Variants in AGMO observed in about 807,000 individuals in gnomAD.
AGMO encodes alkylglycerol monooxygenase, also known as glyceryl-ether monooxygenase.
In AGMO, 75 loss-of-function variants were observed where a neutral mutation model predicts 60.2. That is an observed-to-expected ratio of 1.25 (90% CI 1.03 to 1.51). The LOEUF is 1.51. Among genes scored for constraint, AGMO ranks in the 40% most tolerant of loss-of-function variants. AGMO has a pLI of 0.00. For synonymous variants in AGMO, 261 were observed against 177.1 expected, an observed-to-expected ratio of 1.47 and a Z score of -3.76; for missense variants, 763 against 525.5, an observed-to-expected ratio of 1.45 and a Z score of -4.42.
intron 12 of AGMO, among the ~76,000 whole-genome samples, chr7:15,338,241 A>G (rs1322593693): frequency 6.6e-6 from 1 of 152,194 alleles, no homozygotes; most frequent in Non-Finnish European, 1.5e-5. Flanking sequence ...TTCATGTTAC[A>G]AGACCATTAC....
the AGMO span, among the ~76,000 whole-genome samples, chr7:15,131,720 C>T: frequency 2.6e-5 from 4 of 151,034 alleles, no homozygotes; most frequent in Admixed American, 2.7e-4. Flanking sequence ...AACAGAAAAG[C>T]TGTTATCACA....
intron 2 of AGMO, among the ~76,000 whole-genome samples, chr7:15,555,542 G>A (rs1583686585): frequency 6.6e-6 from 1 of 151,736 alleles, no homozygotes; most frequent in African/African-American, 2.4e-5. Context: ...CAAATAAAAT[G>A]CGTACTACTA....
chr7:15,255,534 C>CAAAAAA (rs60035165), intron 12 of AGMO, among the ~76,000 whole-genome samples: 49 of 115,744 alleles, frequency 4.2e-4, no homozygotes, highest in African/African-American at 7.1e-4. Flanking sequence ...TGTAAGAATA[C>CAAAAAA]AAAAAAAAAA....
chr7:15,367,916 T>C (rs1448044926), intron 10 of AGMO, among the ~76,000 whole-genome samples: 7 of 152,092 alleles, frequency 4.6e-5, no homozygotes, highest in African/African-American at 7.2e-5. Context: ...ACTGCATCTG[T>C]CCAAAGTTAT....
intron 12 of AGMO, among the ~76,000 whole-genome samples, chr7:15,288,378 G>A (rs1784161231): frequency 6.6e-6 from 1 of 152,058 alleles, no homozygotes; most frequent in Non-Finnish European, 1.5e-5. Flanking sequence ...GGGTTTTATG[G>A]TGAGCAGGAA....
the AGMO span, among the ~76,000 whole-genome samples, chr7:15,192,581 T>A: frequency 6.6e-6 from 1 of 152,160 alleles, no homozygotes; most frequent in Non-Finnish European, 1.5e-5. Flanking sequence ...TCCCGGACAC[T>A]GGACAAAGGT....
the AGMO span, among the ~76,000 whole-genome samples, chr7:15,119,317 T>C: frequency 2.1e-3 from 320 of 152,192 alleles, no homozygotes; most frequent in African/African-American, 7.4e-3. Flanking sequence ...CCATGCTTCC[T>C]GTACAGCCTG....
At chr7:15,126,844 G>C in the AGMO span, among the ~76,000 whole-genome samples, 77 of 152,086 alleles carry the variant, frequency 5.1e-4, no homozygotes, top group African/African-American at 1.8e-3. Context: ...TCAACTAAGA[G>C]CCAGGCACCC....
intron 5 of AGMO, among the ~76,000 whole-genome samples, chr7:15,398,312 C>A (rs1268227837): frequency 6.6e-6 from 1 of 152,052 alleles, no homozygotes; most frequent in Non-Finnish European, 1.5e-5. Flanking sequence ...CGGTGAAAAT[C>A]TTTTGCTCCT....
chr7:15,393,209 C>A (rs1210815038), intron 6 of AGMO, among the ~76,000 whole-genome samples: 1 of 152,336 alleles, frequency 6.6e-6, no homozygotes, highest in East Asian at 1.9e-4. Flanking sequence ...CTGGGGAGTC[C>A]CCTTCTACTC....
At chr7:15,520,431 T>C (rs1438258099) in intron 3 of AGMO, among the ~76,000 whole-genome samples, 1 of 152,166 alleles carries the variant, frequency 6.6e-6, no homozygotes, top group African/African-American at 2.4e-5. Flanking sequence ...ATTCTAAAAT[T>C]GACCACACAA....
the AGMO span, among the ~76,000 whole-genome samples, chr7:15,174,173 C>A: frequency 2.0e-5 from 3 of 151,134 alleles, no homozygotes; most frequent in African/African-American, 7.3e-5. Flanking sequence ...TAATATATCC[C>A]CCAAATATAT....
intron 12 of AGMO, among the ~76,000 whole-genome samples, chr7:15,235,520 T>C (rs1402458233): frequency 1.3e-5 from 2 of 152,168 alleles, no homozygotes; most frequent in African/African-American, 2.4e-5. Flanking sequence ...AATTGGATGC[T>C]GTTCATAGAC....
intron 12 of AGMO, among the ~76,000 whole-genome samples, chr7:15,327,167 C>T (rs1781364171): frequency 6.6e-6 from 1 of 152,116 alleles, no homozygotes; most frequent in African/African-American, 2.4e-5. Flanking sequence ...CATAACCTGG[C>T]TCGGTTTTCA....
chr7:15,544,930 G>A lies in AGMO; in HGVS notation c.258-7C>T. 2 of 1,490,196 alleles carry A rather than the reference G, an allele frequency of 1.3e-6. No homozygotes were observed. Among genetic ancestry groups the A allele is most frequent in the Admixed American group, 2.2e-5 (1 of 46,120 alleles). 92.3% of individuals were successfully genotyped at this position (1,490,196 alleles called of 1,614,324 possible). ...AATGCTCCTGAAAAATAGACTGGAA[G>A]ATAAAATTCACAATCAGTGATTATA... On this transcript the variant is annotated splice_polypyrimidine_tract_variant and splice_region_variant and intron_variant, in intron 2 of 12. Transcript: ENST00000342526.
chr7:15,392,348 G>C (rs1784178629), intron 6 of AGMO, among the ~76,000 whole-genome samples: 1 of 151,822 alleles, frequency 6.6e-6, no homozygotes, highest in Non-Finnish European at 1.5e-5. Flanking sequence ...TGGGATTACA[G>C]GCGTGAGTCA....
intron 12 of AGMO, chr7:15,358,495 T>C (rs1427133710): frequency 2.1e-6 from 1 of 465,716 alleles, no homozygotes; most frequent in Non-Finnish European, 4.5e-6. Context: ...GTGATTTCAG[T>C]CAGAACTGTG....
At chr7:15,217,445 T>C (rs993611187) in intron 12 of AGMO, among the ~76,000 whole-genome samples, 2 of 151,742 alleles carry the variant, frequency 1.3e-5, no homozygotes, top group African/African-American at 4.8e-5. Context: ...GTGCAAGAAA[T>C]GGAGAATTTA....
the AGMO span, among the ~76,000 whole-genome samples, chr7:15,133,290 G>A: frequency 6.6e-6 from 1 of 152,170 alleles, no homozygotes; most frequent in East Asian, 1.9e-4. Flanking sequence ...TTTTGTGTAA[G>A]TGTCTGTAGC....
Sources: allele counts gnomAD v4.1 joint callset (sites outside exome capture counted in the v4.1 genomes callset), GRCh38; gene constraint gnomAD v4.1.1; transcripts MANE v1.5; gene names NCBI Gene and HGNC (gene_info 2026-07-23, HGNC 2026-07-21).